The following ROBO1 variants were observed in gnomAD, a reference collection of about 807,000 sequenced individuals.
ROBO1 encodes the protein roundabout guidance receptor 1, also known as roundabout homolog 1.
In ROBO1, 149 loss-of-function variants were observed where a neutral mutation model predicts 195.9. The ratio of observed to expected loss-of-function variants is 0.76; its 90% CI spans 0.67 to 0.87. The LOEUF is 0.87. Ranked by LOEUF, ROBO1 falls within the 40% of genes least tolerant of loss-of-function variation. The pLI, the probability that ROBO1 is intolerant of heterozygous loss-of-function variation, is 0.00. For missense variants in ROBO1, 1,933 were observed against 2,068.3 expected (o/e 0.93, Z 1.27); for synonymous variants, 816 against 733.2 (o/e 1.11, Z -1.82).
chr3:78,841,433 A>G (rs1256133653), intron 4 of ROBO1, among the ~76,000 whole-genome samples: 1 of 152,148 alleles, frequency 6.6e-6, no homozygotes, highest in Admixed American at 6.5e-5. Flanking sequence ...CTCAATCAGA[A>G]CAAGTACAAG....
chr3:78,856,919 C>T (rs1224207045), intron 4 of ROBO1, among the ~76,000 whole-genome samples: 1 of 151,388 alleles, frequency 6.6e-6, no homozygotes, highest in Non-Finnish European at 1.5e-5. Context: ...ACAAGCACCT[C>T]CTAGGCCTAT....
chr3:78,978,945 G>A (rs2076937248), intron 3 of ROBO1, among the ~76,000 whole-genome samples: 3 of 152,098 alleles, frequency 2.0e-5, no homozygotes, highest in Admixed American at 2.0e-4. Context: ...TCTCCCTTCA[G>A]GGCAGAAGTA....
At chr3:78,712,107 T>A (rs1374449118) in intron 8 of ROBO1, among the ~76,000 whole-genome samples, 1 of 132,962 alleles carries the variant, frequency 7.5e-6, no homozygotes, top group African/African-American at 2.9e-5. Context: ...GTGCTGGGGG[T>A]GAAAATCAAA....
intron 3 of ROBO1, among the ~76,000 whole-genome samples, chr3:79,125,053 A>G (rs2080189359): frequency 6.6e-6 from 1 of 151,648 alleles, no homozygotes; most frequent in Non-Finnish European, 1.5e-5. Context: ...TTTTAAGACT[A>G]CAAGTGTAAA....
intron 3 of ROBO1, among the ~76,000 whole-genome samples, chr3:79,104,432 A>G (rs2108516854): frequency 6.6e-6 from 1 of 151,936 alleles, no homozygotes; most frequent in Middle Eastern, 3.4e-3. Flanking sequence ...CTGATGTTGT[A>G]CTGAATATTA....
intron 2 of ROBO1, among the ~76,000 whole-genome samples, chr3:79,392,468 A>G (rs1411786818): frequency 6.6e-6 from 1 of 152,146 alleles, no homozygotes; most frequent in Non-Finnish European, 1.5e-5. Context: ...TCAAGGCAGG[A>G]ATGATAGGAA....
At chr3:79,535,552 A>G (rs1330535789) in intron 2 of ROBO1, among the ~76,000 whole-genome samples, 1 of 152,178 alleles carries the variant, frequency 6.6e-6, no homozygotes, top group Admixed American at 6.6e-5. Flanking sequence ...AATAACAAAG[A>G]TAGGAATTTT....
chr3:79,403,114 CA>C (rs1207115490), intron 2 of ROBO1, among the ~76,000 whole-genome samples: 1 of 151,860 alleles, frequency 6.6e-6, no homozygotes, highest in Admixed American at 6.6e-5. Flanking sequence ...TTTTATATCA[CA>C]AAAAACCTCC....
At chr3:78,654,264 G>A (rs1241223346) in intron 18 of ROBO1, among the ~76,000 whole-genome samples, 2 of 152,122 alleles carry the variant, frequency 1.3e-5, no homozygotes, top group African/African-American at 2.4e-5. Flanking sequence ...TTCTCATGTT[G>A]TATGAGTGTG....
At chr3:79,008,623 C>T (rs1374885) in intron 3 of ROBO1, among the ~76,000 whole-genome samples, 149,431 of 151,770 alleles carry the variant, frequency 0.98, 73,570 homozygotes, top group East Asian at 1. Context: ...AGACAGTATG[C>T]CACTTTGTCA....
intron 3 of ROBO1, among the ~76,000 whole-genome samples, chr3:79,118,511 T>C (rs1559673344): frequency 6.6e-6 from 1 of 152,192 alleles, no homozygotes; most frequent in Non-Finnish European, 1.5e-5. Context: ...ATTTTATGTA[T>C]ATTTTGTGTT....
At chr3:79,393,459 G>A (rs916247322) in intron 2 of ROBO1, among the ~76,000 whole-genome samples, 2 of 152,164 alleles carry the variant, frequency 1.3e-5, no homozygotes, top group Non-Finnish European at 2.9e-5. Flanking sequence ...TTTGAATCAA[G>A]GTTTTACTTT....
intron 25 of ROBO1, among the ~76,000 whole-genome samples, chr3:78,628,571 T>C (rs1041608658): frequency 6.6e-6 from 1 of 152,214 alleles, no homozygotes; most frequent in African/African-American, 2.4e-5. Context: ...TACTACATTA[T>C]ATAAACTGTG....
intron 3 of ROBO1, among the ~76,000 whole-genome samples, chr3:78,984,712 G>A (rs1177767268): frequency 6.6e-6 from 1 of 152,186 alleles, no homozygotes; most frequent in African/African-American, 2.4e-5. Context: ...CTGGCTAAGA[G>A]ATGAGACTAT....
intron 1 of ROBO1, among the ~76,000 whole-genome samples, chr3:79,715,959 T>C (rs1188305818): frequency 6.6e-6 from 1 of 152,098 alleles, no homozygotes; most frequent in African/African-American, 2.4e-5. Context: ...GGAATCTTAA[T>C]GTGACTCTGC....
At chr3:79,523,457 CTTTCTTTTTT>C (rs1941295581) in intron 2 of ROBO1, among the ~76,000 whole-genome samples, 1 of 124,258 alleles carries the variant, frequency 8.0e-6, no homozygotes, top group African/African-American at 2.9e-5. Flanking sequence ...TTGCATTTTT[CTTTCTTTTTT>C]TTTTCTTTTT....
intron 1 of ROBO1, among the ~76,000 whole-genome samples, chr3:79,766,000 G>C (rs767500130): frequency 6.6e-6 from 1 of 152,052 alleles, no homozygotes; most frequent in African/African-American, 2.4e-5. Context: ...TTACAAGGTC[G>C]GGGCACTCCT....
chr3:78,819,950 C>T (rs984555273), intron 4 of ROBO1, among the ~76,000 whole-genome samples: 1 of 152,074 alleles, frequency 6.6e-6, no homozygotes, highest in Non-Finnish European at 1.5e-5. Context: ...ATCCATTATC[C>T]CCAATGGGAT....
intron 1 of ROBO1, among the ~76,000 whole-genome samples, chr3:79,695,353 C>T (rs1232940144): frequency 1.3e-5 from 2 of 151,524 alleles, no homozygotes; most frequent in East Asian, 1.9e-4. Flanking sequence ...ACCTCTTTGA[C>T]GATGTGAGTA....
Sources: allele counts gnomAD v4.1 joint callset (sites outside exome capture counted in the v4.1 genomes callset), GRCh38; gene constraint gnomAD v4.1.1; transcripts MANE v1.5; gene names NCBI Gene and HGNC (gene_info 2026-07-23, HGNC 2026-07-21).